Variants in ZNF518A observed in about 807,000 individuals in gnomAD.
ZNF518A encodes zinc finger protein 518A.
In ZNF518A, 47 loss-of-function variants were observed where a neutral mutation model predicts 102.7. The observed-to-expected ratio is 0.46, with a 90% CI of 0.36 to 0.58. The LOEUF is 0.58. ZNF518A is among the 20% of genes least tolerant of loss of function. The pLI is 0.00. For missense variants in ZNF518A, 1,793 were observed against 1,699.8 expected (o/e 1.05, Z -0.96); for synonymous variants, 652 against 594.6 (o/e 1.10, Z -1.40).
At chr10:96,182,676 C>T (rs1355247980) in intron 1 of ZNF518A, among the ~76,000 whole-genome samples, 4 of 152,160 alleles carry the variant, frequency 2.6e-5, no homozygotes, top group African/African-American at 9.7e-5. Context: ...CGTATGAAGC[C>T]AACTTGATCA....
intron 3 of ZNF518A, among the ~76,000 whole-genome samples, chr10:96,141,178 T>C (rs1480650721): frequency 2.0e-5 from 3 of 152,182 alleles, no homozygotes; most frequent in Non-Finnish European, 4.4e-5. Context: ...AAATGAGAAA[T>C]AGTAAGTAAA....
chr10:96,180,180 C>CTTTTTTTTT lies in ZNF518A; in HGVS notation n.36-23378_36-23370dup, dbSNP rs60561670. Among the ~76,000 whole-genome samples the CTTTTTTTTT allele has an allele frequency of 5.2e-5, 5 of 96,278 alleles. No homozygotes were observed. In the East Asian group the frequency reaches 8.9e-4, roughly 17 times the overall value. The allele number at this position is 96,278 out of a possible 152,430, so 63.2% of individuals were successfully genotyped here. A position where few individuals can be genotyped will look rare whatever the true frequency, so the allele number is the denominator to read the frequency against. On this transcript the variant is annotated intron_variant and non_coding_transcript_variant, in intron 1 of 2. Transcript: ENST00000442635. Reference sequence around the variant, plus strand: ...CAGGCATGAACCACAGCTCCAGCCTCTTTTTTTTTTTTTTTTTTTTTTTTA... The same window carrying CTTTTTTTTT: ...CAGGCATGAACCACAGCTCCAGCCTCTTTTTTTTTTTTTTTTTTTTTTTTTTTTTTTTTA...
chr10:96,184,784 G>A (rs587712606), intron 1 of ZNF518A, among the ~76,000 whole-genome samples: 1 of 151,984 alleles, frequency 6.6e-6, no homozygotes, highest in Non-Finnish European at 1.5e-5. Context: ...TGTGTCTTGG[G>A]GTTGCTCTTC....
chr10:96,131,073 A>G (rs1028614182), intron 1 of ZNF518A, among the ~76,000 whole-genome samples: 12 of 152,208 alleles, frequency 7.9e-5, no homozygotes, highest in Admixed American at 7.2e-4. Context: ...TAGTGCAAAC[A>G]TTGTTGAGTA....
At chr10:96,144,319 T>C (rs1180840383) in intron 3 of ZNF518A, among the ~76,000 whole-genome samples, 1 of 152,158 alleles carries the variant, frequency 6.6e-6, no homozygotes, top group Admixed American at 6.5e-5. Context: ...AAAAAAAAAT[T>C]GCTTGGAATA....
chr10:96,186,333 T>TG (rs2083271665), intron 1 of ZNF518A, among the ~76,000 whole-genome samples: 1 of 152,226 alleles, frequency 6.6e-6, no homozygotes, highest in Non-Finnish European at 1.5e-5. Context: ...GAGCTGTTAC[T>TG]ATTCAGCCAT....
At chr10:96,204,590 G>A (rs184808145), downstream of ZNF518A, 6 of 1,614,034 alleles carry the variant, frequency 3.7e-6, no homozygotes, top group East Asian at 2.2e-5. Flanking sequence ...CTTGACCCTC[G>A]GTGGCGTTCA....
Position 96,158,907 on chromosome 10 carries a change from A to G in ZNF518A, c.2585A>G (p.Glu862Gly). 6.2e-7 allele frequency: 1 copy of G among 1,613,714 alleles called. No homozygotes were observed. Among genetic ancestry groups the G allele is most frequent in the Non-Finnish European group, 8.5e-7 (1 of 1,179,714 alleles). ...TNDLNLKFGKEKQVSSIPQDV... is the reference protein window; with the variant it reads ...TNDLNLKFGKGKQVSSIPQDV... ...GATTTGAATTTGAAATTTGGAAAAG[A>G]AAAACAAGTGTCATCAATACCACAA... is the stretch of plus-strand genomic sequence containing the variant. Residue 862 changes from glutamate (E) to glycine (G), a missense_variant, in exon 6 of 6, where the codon GAA becomes GGA. By Grantham distance (98) the Glu-to-Gly change is moderately conservative. Around this residue, in one of 3 missense-constraint regions of ZNF518A, gnomAD observed 1,741 missense variants for 1,622.6 expected, o/e 1.07. Coordinates refer to ENST00000316045, the MANE Select transcript of ZNF518A (RefSeq NM_001330736.2).
chr10:96,189,619 G>T, intron 1 of ZNF518A: 1 of 702,748 alleles, frequency 1.4e-6, no homozygotes, highest in South Asian at 1.4e-5. Context: ...TTTCTATTCT[G>T]ATTTGACTTT....
At chr10:96,190,330 T>C (rs1397563878) in intron 1 of ZNF518A, 3 of 567,588 alleles carry the variant, frequency 5.3e-6, no homozygotes, top group Non-Finnish European at 9.6e-6. Flanking sequence ...TGTTCCTGTG[T>C]GTCTCTTCAT....
chr10:96,145,837 T>G (rs1349295934), intron 3 of ZNF518A, among the ~76,000 whole-genome samples: 1 of 152,230 alleles, frequency 6.6e-6, no homozygotes, highest in African/African-American at 2.4e-5. Flanking sequence ...AAAATTGCAG[T>G]CTAGAGACAA....
chr10:96,166,721 C>G (rs587613231), downstream of ZNF518A, among the ~76,000 whole-genome samples: 1 of 151,978 alleles, frequency 6.6e-6, no homozygotes, highest in African/African-American at 2.4e-5. Context: ...GAGCCGAGAT[C>G]GCACCGCTGC....
chr10:96,182,802 G>T (rs782268111), intron 1 of ZNF518A, among the ~76,000 whole-genome samples: 8 of 152,188 alleles, frequency 5.3e-5, no homozygotes, highest in Non-Finnish European at 7.3e-5. Context: ...TTGTGTCTCT[G>T]CCAGGCTTTG....
At chr10:96,197,374 A>G (rs2083494140) in intron 1 of ZNF518A, among the ~76,000 whole-genome samples, 1 of 152,144 alleles carries the variant, frequency 6.6e-6, no homozygotes, top group Non-Finnish European at 1.5e-5. Context: ...GTGCAATCAC[A>G]GTCCACTACA....
chr10:96,178,653 T>TAGG (rs1554891718), intron 1 of ZNF518A, among the ~76,000 whole-genome samples: 2 of 151,982 alleles, frequency 1.3e-5, no homozygotes, highest in Admixed American at 1.3e-4. Flanking sequence ...GGAAAATTAA[T>TAGG]GAAATGAAAA....
At chr10:96,166,853 G>C (rs1435140553), downstream of ZNF518A, among the ~76,000 whole-genome samples, 2 of 152,228 alleles carry the variant, frequency 1.3e-5, no homozygotes, top group African/African-American at 4.8e-5. Flanking sequence ...CATGCTGAAG[G>C]CTGCCATCTC....
intron 3 of ZNF518A, among the ~76,000 whole-genome samples, chr10:96,139,798 C>G: frequency 6.6e-6 from 1 of 152,104 alleles, no homozygotes; most frequent in East Asian, 1.9e-4. Context: ...GTGGCCTGGA[C>G]TAAGATGATG....
At chr10:96,201,095 A>G (rs2083621081) in intron 1 of ZNF518A, 5 of 1,560,816 alleles carry the variant, frequency 3.2e-6, no homozygotes, top group Non-Finnish European at 4.4e-6. Context: ...ATTAATCTTC[A>G]TATTTCTTGA....
At chr10:96,137,541 T>C (rs1366657183) in intron 3 of ZNF518A, among the ~76,000 whole-genome samples, 1 of 152,228 alleles carries the variant, frequency 6.6e-6, no homozygotes, top group Non-Finnish European at 1.5e-5. Context: ...ATCTTCTTAC[T>C]TGACAGAGTT....
Sources: gnomAD v4.1 joint callset for allele counts (sites outside exome capture counted in the v4.1 genomes callset) on GRCh38, gnomAD v4.1.1 for gene constraint, gnomAD v4.1.1 regional missense constraint, MANE v1.5 for transcripts, NCBI Gene and HGNC (gene_info 2026-07-23, HGNC 2026-07-21) for gene names.